TENM2: variants seen among roughly 807,000 people sequenced by gnomAD.
TENM2 encodes teneurin transmembrane protein 2, also known as teneurin-2.
In TENM2, 52 loss-of-function variants were observed where a neutral mutation model predicts 245.2. The observed-to-expected ratio is 0.21, with a 90% confidence interval of 0.17 to 0.27. The LOEUF (loss-of-function observed/expected upper bound fraction) is 0.27, where lower values mean the gene tolerates loss of function less well. Ranked by LOEUF, TENM2 falls within the 10% of genes least tolerant of loss-of-function variation. The pLI is 1.00. For missense variants in TENM2, 3,046 were observed against 3,666.8 expected (o/e 0.83, Z 4.37); for synonymous variants, 1,363 against 1,438.9 (o/e 0.95, Z 1.19).
At chr5:167,234,514 A>G in the TENM2 span, among the ~76,000 whole-genome samples, 1 of 152,208 alleles carries the variant, frequency 6.6e-6, no homozygotes, top group African/African-American at 2.4e-5. Context: ...TTTGAAGTAA[A>G]AATCAACAGT....
chr5:167,867,689 G>T (rs760279061), intron 2 of TENM2, among the ~76,000 whole-genome samples: 1 of 152,182 alleles, frequency 6.6e-6, no homozygotes, highest in Admixed American at 6.5e-5. Context: ...GGCTGATATC[G>T]TCTCATTGAG....
intron 3 of TENM2, among the ~76,000 whole-genome samples, chr5:167,895,510 C>T (rs1052902715): frequency 3.9e-5 from 6 of 152,234 alleles, no homozygotes; most frequent in Admixed American, 1.3e-4. Context: ...ACCATTGCTG[C>T]TTGATTCCAA....
intron 2 of TENM2, among the ~76,000 whole-genome samples, chr5:167,607,763 A>G (rs1281730133): frequency 1.3e-5 from 2 of 152,182 alleles, no homozygotes; most frequent in African/African-American, 4.8e-5. Flanking sequence ...AGAATGCAAA[A>G]TGCAATAAGA....
chr5:167,451,874 C>T (rs1765607877), intron 2 of TENM2, among the ~76,000 whole-genome samples: 1 of 152,116 alleles, frequency 6.6e-6, no homozygotes, highest in African/African-American at 2.4e-5. Flanking sequence ...TGGTCTCAAT[C>T]TCCTGACCTT....
At chr5:167,618,024 G>A (rs1040425499) in intron 2 of TENM2, among the ~76,000 whole-genome samples, 2 of 152,082 alleles carry the variant, frequency 1.3e-5, no homozygotes, top group African/African-American at 4.8e-5. Context: ...TGCCGTGCTT[G>A]GGATTGGAGG....
At chr5:167,402,342 C>T (rs1336406924) in intron 2 of TENM2, among the ~76,000 whole-genome samples, 1 of 152,134 alleles carries the variant, frequency 6.6e-6, no homozygotes, top group South Asian at 2.1e-4. Context: ...GAAACATTTA[C>T]CCCTGACAAA....
intron 3 of TENM2, among the ~76,000 whole-genome samples, chr5:167,950,275 G>A (rs927127769): frequency 7.9e-5 from 12 of 152,170 alleles, no homozygotes; most frequent in Non-Finnish European, 1.2e-4. Context: ...ACAAGCAACC[G>A]CAGGAATTCT....
chr5:167,973,180 A>G (rs761805108), intron 4 of TENM2, among the ~76,000 whole-genome samples: 5 of 152,246 alleles, frequency 3.3e-5, no homozygotes, highest in Non-Finnish European at 5.9e-5. Context: ...ACAGAAAAGC[A>G]TTATGATCAA....
chr5:167,180,103 C>CTTTTTTTTTTTT, the TENM2 span, among the ~76,000 whole-genome samples: 9 of 114,978 alleles, frequency 7.8e-5, 1 homozygote, highest in African/African-American at 3.4e-4. Context: ...TAAGTGCTTC[C>CTTTTTTTTTTTT]TTTTTTTTTT....
chr5:167,044,036 A>AAGGAAGGAAGGAAG, the TENM2 span, among the ~76,000 whole-genome samples: 6 of 128,596 alleles, frequency 4.7e-5, no homozygotes, highest in East Asian at 1.4e-3. Flanking sequence ...TAGTAAGGAC[A>AAGGAAGGAAGGAAG]GAAGGAAGGA....
At chr5:168,148,572 G>A (rs368610403) in intron 12 of TENM2, among the ~76,000 whole-genome samples, 7 of 152,162 alleles carry the variant, frequency 4.6e-5, no homozygotes, top group Non-Finnish European at 4.4e-5. Context: ...GATAATTCAG[G>A]GTTCCCTGGG....
chr5:167,344,309 C>CACACACATAT (rs1554136979), intron 1 of TENM2, among the ~76,000 whole-genome samples: 2 of 84,504 alleles, frequency 2.4e-5, no homozygotes, highest in African/African-American at 6.6e-5. Context: ...CACACACACA[C>CACACACATAT]ATATATATAT....
intron 2 of TENM2, among the ~76,000 whole-genome samples, chr5:167,492,104 A>G (rs1299322025): frequency 6.6e-6 from 1 of 152,172 alleles, no homozygotes; most frequent in Non-Finnish European, 1.5e-5. Context: ...GAAGTTGTTG[A>G]GATAAGCAGA....
intron 1 of TENM2, among the ~76,000 whole-genome samples, chr5:167,314,014 C>A (rs555935554): frequency 6.6e-6 from 1 of 152,254 alleles, no homozygotes; most frequent in African/African-American, 2.4e-5. Context: ...TGTCATCCCC[C>A]ACCCCGATAC....
At chr5:167,746,527 T>A (rs1001875187) in intron 2 of TENM2, among the ~76,000 whole-genome samples, 1 of 152,136 alleles carries the variant, frequency 6.6e-6, no homozygotes, top group Non-Finnish European at 1.5e-5. Flanking sequence ...CATACACACA[T>A]GTCTGAATTA....
At chr5:167,856,911 A>G (rs184875125) in intron 2 of TENM2, among the ~76,000 whole-genome samples, 194 of 152,324 alleles carry the variant, frequency 1.3e-3, no homozygotes, top group Middle Eastern at 3.4e-3. Flanking sequence ...CTGTTGTTAG[A>G]AAGCTCTTTA....
At chr5:167,422,404 C>T (rs536349588) in intron 2 of TENM2, among the ~76,000 whole-genome samples, 71 of 152,188 alleles carry the variant, frequency 4.7e-4, no homozygotes, top group African/African-American at 1.6e-3. Flanking sequence ...TGATTTAAGC[C>T]GTGAGCTTTT....
chr5:167,258,215 G>GTA, the TENM2 span, among the ~76,000 whole-genome samples: 9 of 122,884 alleles, frequency 7.3e-5, no homozygotes, highest in East Asian at 5.6e-4. Context: ...ATATATATAT[G>GTA]TATATATATA....
At chr5:167,329,502 C>T (rs970918074) in intron 1 of TENM2, among the ~76,000 whole-genome samples, 6 of 127,412 alleles carry the variant, frequency 4.7e-5, no homozygotes, top group East Asian at 2.4e-4. Flanking sequence ...CAGTGAGCCG[C>T]GATCATGCCA....
Sources: gnomAD v4.1 joint callset for allele counts (sites outside exome capture counted in the v4.1 genomes callset) on GRCh38, gnomAD v4.1.1 for gene constraint, MANE v1.5 for transcripts, NCBI Gene and HGNC (gene_info 2026-07-23, HGNC 2026-07-21) for gene names.